The following SLC6A12 variants were observed in gnomAD, a reference collection of about 807,000 sequenced individuals.
The protein encoded by SLC6A12 is solute carrier family 6 member 12, also known as sodium- and chloride-dependent betaine transporter.
A neutral mutation model predicts 73.3 loss-of-function variants in SLC6A12; 50 were observed. The observed-to-expected ratio is 0.68, with a 90% CI of 0.54 to 0.86. The LOEUF (loss-of-function observed/expected upper bound fraction) is 0.86. SLC6A12 is among the 40% of genes least tolerant of loss of function. The probability of loss-of-function intolerance (pLI) is 0.00; values close to 1 mark genes in which losing one functional copy is unlikely to be tolerated. For missense variants in SLC6A12, 648 were observed against 772.8 expected, an observed-to-expected ratio of 0.84 and a Z score of 1.92; for synonymous variants, 304 against 309.2, an observed-to-expected ratio of 0.98 and a Z score of 0.18.
At chr12:201,642 G>T in intron 6 of SLC6A12, 120 bp downstream of exon 6, 3 of 760,122 alleles carry the variant, frequency 3.9e-6, no homozygotes, top group East Asian at 5.1e-5. Flanking sequence ...GAGTGGGGCG[G>T]GGGAGGAAGT....
rs1940273240 is a variant in SLC6A12, at chr12:201,722, A to G, written c.578+40T>C. The G allele has an allele frequency of 2.0e-6, 3 of 1,517,454 alleles. No individual in the cohort carries two copies. The South Asian group carries it at 3.4e-5, about 17-fold the overall frequency. 94.0% of individuals were successfully genotyped at this position (1,517,454 alleles called of 1,614,324 possible). ...CAGACTTGCACAGCTCAGACATCCA[A>G]ATTTCCTCTTCATATGTGGCAAATG... On this transcript the variant is annotated intron_variant, in intron 6 of 15. Coordinates refer to ENST00000684302, the MANE Select transcript of SLC6A12 (RefSeq NM_001122848.3).
At position 201,810 on chromosome 12, in the gene SLC6A12, G is replaced by A. The variant is rs1366965450; in HGVS notation, c.530C>T (p.Thr177Ile). The A allele has an allele frequency of 1.2e-6, 2 of 1,614,150 alleles. No homozygotes were observed. The highest frequency in any genetic ancestry group is 1.3e-5 in the African/African-American group (1 of 75,058). ...GGTAAAATTCTCAAATGGGGTCACT[G>A]TGCCGGCTCCTGAGTGGTTCAGAAA... ...TDFLNHSGAG[T>I]VTPFENFTSP... Residue 177 changes from threonine to isoleucine, a missense_variant, in exon 6 of 16, where the codon ACA (threonine) becomes ATA (isoleucine). Thr to Ile is a moderately conservative substitution (Grantham distance 89). Transcript: ENST00000684302.
At chr12:205,741 T>C (rs1047626702) in intron 3 of SLC6A12, among the ~76,000 whole-genome samples, 2 of 152,370 alleles carry the variant, frequency 1.3e-5, no homozygotes, top group Admixed American at 1.3e-4. Context: ...ATGTATTTCT[T>C]TTTTTGCAAA....
Position 202,732 on chromosome 12 carries a change from A to T in SLC6A12, c.490+8T>A. On this transcript the variant is annotated splice_region_variant and intron_variant, in intron 5 of 15. Coordinates refer to ENST00000684302, the MANE Select transcript of SLC6A12 (RefSeq NM_001122848.3). ...AGGCAACATCCCAGGGGCTGAAATG[A>T]TGGATACCTGTGTTCCAAAAGTTGT... 6.2e-7 allele frequency: 1 copy of T among 1,612,044 alleles called. No homozygotes were observed. Among genetic ancestry groups the T allele is most frequent in the Non-Finnish European group, 8.5e-7 (1 of 1,178,890 alleles).
chr12:186,605 G>A (rs1251676838), downstream of SLC6A12, among the ~76,000 whole-genome samples: 1 of 152,196 alleles, frequency 6.6e-6, no homozygotes, highest in Admixed American at 6.5e-5. Context: ...TATTCACCTT[G>A]CAGCAAGCTG....
rs773448088 is a variant in SLC6A12, at chr12:198,002, A to G, written c.848T>C (p.Val283Ala). ...PDLFRLKDPQ[V>A]WMDAGTQIFF... ...GATCTGGGTGCCCGCATCCATCCAC[A>G]CCTACACAAAACCCCAAGAAAGAGG... The change falls in exon 9 of 16, where the codon GTG (valine) becomes GCG (alanine). Residue 283 changes from valine to alanine, a missense_variant and splice_region_variant. By Grantham distance (64) the Val-to-Ala change is moderately conservative. Transcript: ENST00000684302. This position sits in a 1 kb window ranked among gnomAD's most constrained non-coding sequence, Gnocchi z 4.0. 1.9e-6 allele frequency: 3 copies of G among 1,613,230 alleles called. No homozygotes were observed. The highest frequency in any genetic ancestry group is 1.6e-4 in the Middle Eastern group (1 of 6,062).
At position 209,837 on chromosome 12, in the gene SLC6A12, G is replaced by A. The variant is rs532423497; in HGVS notation, c.150C>T (p.Ala50=). ...CATTGCCCAGCCCAATGATCTCCCC[G>A]GCCACTGACAGCACAAACTCCATCT... ...TNKMEFVLSV[A]GEIIGLGNVW... Residue 50 remains alanine (A), a synonymous_variant, in exon 3 of 16, where the codon GCC becomes GCT. Transcript: ENST00000684302. 3.8e-5 allele frequency: 62 copies of A among 1,614,104 alleles called. 1 individual carries two copies. In the South Asian group the frequency reaches 5.5e-4, roughly 14 times the overall value.
At chr12:188,237 G>A (rs1304329315), downstream of SLC6A12, among the ~76,000 whole-genome samples, 1 of 152,220 alleles carries the variant, frequency 6.6e-6, no homozygotes, top group Non-Finnish European at 1.5e-5. Context: ...CAGGCATGGC[G>A]AGCTGCAGGT....
At chr12:187,310 C>A (rs1277400104), downstream of SLC6A12, among the ~76,000 whole-genome samples, 1 of 152,058 alleles carries the variant, frequency 6.6e-6, no homozygotes, top group Non-Finnish European at 1.5e-5. Context: ...TTAAAGGCGG[C>A]GTGTCCGGAG....
Position 191,221 on chromosome 12 carries a change from GAA to G in SLC6A12, c.1702-12_1702-11del. 7.9e-7 allele frequency: 1 copy of G among 1,262,448 alleles called. No homozygotes were observed. Among genetic ancestry groups the G allele is most frequent in the Non-Finnish European group, 1.0e-6 (1 of 994,418 alleles). 78.2% of individuals were successfully genotyped at this position (1,262,448 alleles called of 1,614,324 possible). On this transcript the variant is annotated splice_polypyrimidine_tract_variant and intron_variant, in intron 15 of 15. Transcript: ENST00000684302. ...TGAGCTGACGCAGACGCTGTGGAGA[GAA>G]GAGGCAGGGATTTGGAGCTGATGGT...
In SLC6A12 at chr12:204,573, G is replaced by T; in HGVS notation, c.340C>A (p.Leu114Ile). 1 of 1,614,160 alleles carries T rather than the reference G, an allele frequency of 6.2e-7. No homozygotes were observed. The change falls in exon 4 of 16, where the codon CTC becomes ATC. Residue 114 changes from leucine (L) to isoleucine (I), a missense_variant. Leu to Ile is a conservative substitution (Grantham distance 5). Transcript: ENST00000684302. ...GGGGGAGGATACATACCCTGGAAGA[G>T]GGGGCAGATCTTCCTCCAGGCTGTG... ...SVTAWRKICP[L>I]FQGIGLASVV... is the part of the protein sequence containing the mutation.
chr12:185,551 G>A (rs961702045), downstream of SLC6A12, among the ~76,000 whole-genome samples: 1 of 152,236 alleles, frequency 6.6e-6, no homozygotes, highest in Non-Finnish European at 1.5e-5. Context: ...TGCACCAGAA[G>A]TTCCGGCTAG....
chr12:211,606 G>A (rs1474649730), intron 2 of SLC6A12, among the ~76,000 whole-genome samples: 1 of 152,206 alleles, frequency 6.6e-6, no homozygotes, highest in Non-Finnish European at 1.5e-5. Flanking sequence ...TGAAAAAATG[G>A]GGAGTTGGGC....
At chr12:193,751 C>A (rs1939733657) in intron 13 of SLC6A12, among the ~76,000 whole-genome samples, 1 of 152,134 alleles carries the variant, frequency 6.6e-6, no homozygotes. Flanking sequence ...TGGTTCAAGC[C>A]AAAACAGCAA....
At chr12:187,405 G>A (rs181631032), downstream of SLC6A12, among the ~76,000 whole-genome samples, 31 of 151,874 alleles carry the variant, frequency 2.0e-4, no homozygotes, top group East Asian at 2.5e-3. Context: ...GTGAAACTGC[G>A]GACCTTCGCG....
intron 13 of SLC6A12, among the ~76,000 whole-genome samples, chr12:194,707 G>C (rs1328569994): frequency 2.6e-5 from 4 of 152,232 alleles, no homozygotes; most frequent in African/African-American, 9.6e-5. Flanking sequence ...AGGGGGCCAG[G>C]CTGCTGGCGG....
Position 191,172 on chromosome 12 carries a change from G to A in SLC6A12, c.1741C>T (p.Gln581Ter). 7.7e-7 allele frequency: 1 copy of A among 1,295,166 alleles called. No homozygotes were observed. The highest frequency in any genetic ancestry group is 9.9e-7 in the Non-Finnish European group (1 of 1,009,688). 80.2% of individuals were successfully genotyped at this position (1,295,166 alleles called of 1,614,324 possible). The change falls in exon 16 of 16, where the codon CAG (glutamine) becomes TAG (stop). Residue 581 changes from glutamine to a stop codon, truncating the protein, a stop_gained. Coordinates refer to ENST00000684302, the MANE Select transcript of SLC6A12 (RefSeq NM_001122848.3). LOFTEE classifies it low-confidence loss of function (END_TRUNC). ...QLITPDSSLP[Q>*]PKQHPCLDGS... ...TCCAAGCAGGGATGTTGCTTGGGCT[G>A]TGGCAGACTGGAGTCAGGGGTGATG...
intron 4 of SLC6A12, chr12:204,030 T>C: frequency 6.5e-6 from 1 of 153,830 alleles, no homozygotes; most frequent in Non-Finnish European, 1.4e-5. Context: ...CTCCGTTTGC[T>C]CACCCTGACC....
rs1402094576 is a variant in SLC6A12, at chr12:192,975, G to A, written c.1530+302C>T. The A allele has an allele frequency of 3.8e-5, 19 of 501,748 alleles. No individual in the cohort carries two copies. The Admixed American group carries it at 3.9e-4, about 10-fold the overall frequency. 31.1% of individuals were successfully genotyped at this position (501,748 alleles called of 1,614,324 possible). ...CAGGGGGTGATACAAAGGAAGGGAA[G>A]GGCTCAGAAGAGAAGCTCAGACAGA... is the stretch of plus-strand genomic sequence containing the variant. On this transcript the variant is annotated intron_variant, in intron 14 of 15. Coordinates refer to ENST00000684302, the MANE Select transcript of SLC6A12 (RefSeq NM_001122848.3).
Sources: gnomAD v4.1 joint callset for allele counts (sites outside exome capture counted in the v4.1 genomes callset) on GRCh38, gnomAD v4.1.1 for gene constraint, Gnocchi (gnomAD v3.1) non-coding constraint, MANE v1.5 for transcripts, NCBI Gene and HGNC (gene_info 2026-07-23, HGNC 2026-07-21) for gene names.